KCNIP4: variants seen among roughly 807,000 people sequenced by gnomAD.
KCNIP4 encodes Kv channel-interacting protein 4.
In KCNIP4, 12 loss-of-function variants were observed where a neutral mutation model predicts 34.0. The ratio of observed to expected loss-of-function variants is 0.35; its 90% confidence interval spans 0.23 to 0.57. The LOEUF (loss-of-function observed/expected upper bound fraction) is 0.57. KCNIP4 is among the 20% of genes least tolerant of loss of function. The pLI, the probability that KCNIP4 is intolerant of heterozygous loss-of-function variation, is 0.83. For synonymous variants in KCNIP4, 124 were observed against 102.2 expected (o/e 1.21, Z -1.29); for missense variants, 238 against 311.7 (o/e 0.76, Z 1.78).
chr4:20,845,780 CT>C (rs774853686), intron 3 of KCNIP4, among the ~76,000 whole-genome samples: 19 of 152,248 alleles, frequency 1.2e-4, no homozygotes, highest in Non-Finnish European at 2.6e-4. Flanking sequence ...CTGCGTGGCC[CT>C]ACATTGACAG....
intron 1 of KCNIP4, among the ~76,000 whole-genome samples, chr4:21,606,773 T>C (rs1743719940): frequency 6.6e-6 from 1 of 152,122 alleles, no homozygotes; most frequent in African/African-American, 2.4e-5. Context: ...TTTGTATTTT[T>C]AGTAGAGATG....
intron 3 of KCNIP4, among the ~76,000 whole-genome samples, chr4:20,807,272 A>T (rs747020490): frequency 3.3e-5 from 5 of 152,252 alleles, no homozygotes; most frequent in South Asian, 2.1e-4. Flanking sequence ...TTATTTTCTC[A>T]TTAGCTCATG....
chr4:21,111,202 A>C (rs1328822098), intron 1 of KCNIP4, among the ~76,000 whole-genome samples: 1 of 152,170 alleles, frequency 6.6e-6, no homozygotes, highest in African/African-American at 2.4e-5. Context: ...CCTGCTTTCA[A>C]CAGTCGCCAA....
intron 1 of KCNIP4, among the ~76,000 whole-genome samples, chr4:21,760,160 T>C (rs951858208): frequency 9.9e-5 from 15 of 152,100 alleles, no homozygotes; most frequent in African/African-American, 3.4e-4. Flanking sequence ...AAAACTTATC[T>C]CCCTTGCTAC....
intron 1 of KCNIP4, among the ~76,000 whole-genome samples, chr4:21,062,949 CT>C (rs1744056459): frequency 6.6e-6 from 1 of 152,148 alleles, no homozygotes. Flanking sequence ...TACAGACACA[CT>C]CAGAATAATG....
At chr4:21,370,798 G>GAAATAT (rs1459443504) in intron 1 of KCNIP4, among the ~76,000 whole-genome samples, 4 of 35,646 alleles carry the variant, frequency 1.1e-4, no homozygotes, top group Non-Finnish European at 1.4e-4. Flanking sequence ...GTCATGGATT[G>GAAATAT]AAATATATAT....
chr4:21,851,679 G>C (rs1439741824), intron 1 of KCNIP4: 2 of 152,164 alleles, frequency 1.3e-5, no homozygotes, highest in East Asian at 3.9e-4. Flanking sequence ...GGTGAAGGCT[G>C]CTAGTTTCTG....
intron 1 of KCNIP4, among the ~76,000 whole-genome samples, chr4:21,899,490 T>A (rs553857743): frequency 7.9e-4 from 120 of 151,766 alleles, no homozygotes; most frequent in African/African-American, 2.8e-3. Context: ...AAGGAAGAAG[T>A]CAAATTATCA....
rs1743371548 is a variant in KCNIP4, at chr4:21,056,068, GTCTTCC to G, written c.62-173365_62-173360del. Among the ~76,000 whole-genome samples the G allele has an allele frequency of 2.6e-5, 4 of 152,054 alleles. No homozygotes were observed. The South Asian group carries it at 8.3e-4, about 31-fold the overall frequency. ...TAGGGAACATATGCAGTATCTCTGT[GTCTTCC>G]TCTTCATTTGGCTGTGAATCTAAAA... On this transcript the variant is annotated intron_variant, in intron 1 of 8. Transcript: ENST00000382152.
At chr4:21,770,666 G>A (rs1214955712) in intron 1 of KCNIP4, among the ~76,000 whole-genome samples, 5 of 152,058 alleles carry the variant, frequency 3.3e-5, no homozygotes, top group African/African-American at 4.8e-5. Context: ...AGATGGTATC[G>A]CATTGTGATT....
chr4:21,914,783 C>T (rs1728534241), intron 1 of KCNIP4, among the ~76,000 whole-genome samples: 1 of 152,068 alleles, frequency 6.6e-6, no homozygotes, highest in South Asian at 2.1e-4. Context: ...CACCGCTGAG[C>T]TCCCCAAGAG....
chr4:21,669,330 C>A (rs1749283662), intron 1 of KCNIP4, among the ~76,000 whole-genome samples: 1 of 152,146 alleles, frequency 6.6e-6, no homozygotes, highest in African/African-American at 2.4e-5. Context: ...AATTCCTGGG[C>A]CCAAACAATC....
chr4:21,454,237 T>A (rs1728741546), intron 1 of KCNIP4, among the ~76,000 whole-genome samples: 1 of 152,114 alleles, frequency 6.6e-6, no homozygotes, highest in Non-Finnish European at 1.5e-5. Flanking sequence ...CCAACGCTGC[T>A]GAACGAGGTG....
At chr4:21,742,192 C>A (rs762387224) in intron 1 of KCNIP4, among the ~76,000 whole-genome samples, 1 of 152,086 alleles carries the variant, frequency 6.6e-6, no homozygotes, top group Non-Finnish European at 1.5e-5. Context: ...CAGAGCTATG[C>A]GAAAATGACA....
chr4:21,807,374 T>A (rs1721362073), intron 1 of KCNIP4, among the ~76,000 whole-genome samples: 1 of 152,152 alleles, frequency 6.6e-6, no homozygotes, highest in African/African-American at 2.4e-5. Context: ...TTTACACATC[T>A]CCATGAAGGC....
At chr4:21,754,891 T>C in intron 1 of KCNIP4, among the ~76,000 whole-genome samples, 1 of 152,172 alleles carries the variant, frequency 6.6e-6, no homozygotes, top group East Asian at 1.9e-4. Flanking sequence ...CTCATATCTG[T>C]AATCCAGCAT....
At chr4:20,989,449 T>C (rs1054185924) in intron 1 of KCNIP4, among the ~76,000 whole-genome samples, 2 of 152,172 alleles carry the variant, frequency 1.3e-5, no homozygotes, top group Non-Finnish European at 1.5e-5. Flanking sequence ...ATCCTTGACT[T>C]GCTTAGTATA....
chr4:20,781,940 A>G (rs183539412), intron 3 of KCNIP4, among the ~76,000 whole-genome samples: 41 of 152,316 alleles, frequency 2.7e-4, no homozygotes, highest in Admixed American at 2.6e-3. Context: ...AATCACAAGC[A>G]AGCTAGTTAC....
intron 1 of KCNIP4, among the ~76,000 whole-genome samples, chr4:20,969,102 C>T (rs1734670455): frequency 1.3e-5 from 2 of 152,094 alleles, no homozygotes; most frequent in Admixed American, 6.5e-5. Flanking sequence ...CCAGGAAATA[C>T]TTCATCTGGT....
Sources: gnomAD v4.1 joint callset for allele counts (sites outside exome capture counted in the v4.1 genomes callset) on GRCh38, gnomAD v4.1.1 for gene constraint, MANE v1.5 for transcripts, NCBI Gene and HGNC (gene_info 2026-07-23, HGNC 2026-07-21) for gene names.